Variants in FBXO24 observed in about 807,000 individuals in gnomAD.
The protein encoded by FBXO24 is F-box protein 24.
FBXO24 carries 30 observed loss-of-function variants against 63.5 expected under a neutral mutation model. That is an observed-to-expected ratio of 0.47 (90% confidence interval 0.35 to 0.64). The LOEUF is 0.64. Among genes scored for constraint, FBXO24 ranks in the 30% least tolerant of loss-of-function variants. The probability of loss-of-function intolerance (pLI) is 0.00; values close to 1 mark genes in which losing one functional copy is unlikely to be tolerated. For missense variants in FBXO24, 624 were observed against 763.4 expected (o/e 0.82, Z 2.15); for synonymous variants, 300 against 305.0 (o/e 0.98, Z 0.17).
rs945693832 is a variant in FBXO24 at position 100,600,218 on chromosome 7, G to T, written c.1377+17G>T. ...CAAGTCAAGGTCAGAGCGGGGTCAGGAGAGTGGGCACCCAGGGAGGATGAG... is the reference window on the plus strand; with the variant it reads ...CAAGTCAAGGTCAGAGCGGGGTCAGTAGAGTGGGCACCCAGGGAGGATGAG... On this transcript the variant is annotated intron_variant, in intron 9 of 9. Transcript: ENST00000241071. This position sits in a 1 kb window ranked among gnomAD's most constrained non-coding sequence, Gnocchi z 6.3. 2 of 1,514,394 alleles carry T rather than the reference G, an allele frequency of 1.3e-6. No homozygotes were observed. Among genetic ancestry groups the T allele is most frequent in the Non-Finnish European group, 1.8e-6 (2 of 1,126,464 alleles). 93.8% of individuals were successfully genotyped at this position (1,514,394 alleles called of 1,614,324 possible).
At position 100,590,067 on chromosome 7, in the gene FBXO24, C is replaced by T. The variant is rs199592292; in HGVS notation, c.130C>T (p.Pro44Ser). The change falls in exon 2 of 10, where the codon CCA (proline) becomes TCA (serine). Residue 44 changes from proline (P) to serine (S), a missense_variant. By Grantham distance (74) the Pro-to-Ser change is moderately conservative. Around this residue, in one of 3 missense-constraint regions of FBXO24, gnomAD observed 391 missense variants for 469.1 expected, o/e 0.83. Transcript: ENST00000241071. ...GNPISIQLFP[P>S]ELVEHIISFL... The stretch of plus-strand genomic sequence containing the variant: ...TCCGATTTCCATCCAGTTGTTCCCC[C>T]CAGAGCTGGTGAGTCCTTGGGGAGG... The T allele has an allele frequency of 1.2e-6, 2 of 1,613,006 alleles. No homozygotes were observed. The highest frequency in any genetic ancestry group is 1.3e-5 in the African/African-American group (1 of 74,798).
rs1394666883 is a variant in FBXO24, at chr7:100,590,162, C to A, written c.139-12C>A. 1.2e-6 allele frequency: 2 copies of A among 1,611,702 alleles called. No homozygotes were observed. The highest frequency in any genetic ancestry group is 1.7e-6 in the Non-Finnish European group (2 of 1,178,270). ...ACCAAAGACTCCCCGCTTCTTCCCT[C>A]CTCCCTCCCAGGTGGAGCATATCAT... is the stretch of plus-strand genomic sequence containing the variant. On this transcript the variant is annotated splice_polypyrimidine_tract_variant and intron_variant, in intron 2 of 9. Coordinates refer to ENST00000241071, the MANE Select transcript of FBXO24 (RefSeq NM_033506.3).
Position 100,600,266 on chromosome 7 carries a change from A to T in FBXO24, c.1377+65A>T. On this transcript the variant is annotated intron_variant, in intron 9 of 9. Coordinates refer to ENST00000241071, the MANE Select transcript of FBXO24 (RefSeq NM_033506.3). The surrounding 1 kb of genome is among the most constrained non-coding windows in gnomAD (Gnocchi z 6.3). ...GAGAGCCATGAACCAGGAAGCCCACAGGCTGTAGCTGGGGCTCCTGCAGGG... is the reference window on the plus strand; with the variant it reads ...GAGAGCCATGAACCAGGAAGCCCACTGGCTGTAGCTGGGGCTCCTGCAGGG... 6.9e-7 allele frequency: 1 copy of T among 1,455,316 alleles called. No individual in the cohort carries two copies. 90.2% of individuals were successfully genotyped at this position (1,455,316 alleles called of 1,614,324 possible).
At chr7:100,591,529 A>G in intron 3 of FBXO24, 138 bp from the exon 4 acceptor site, 4 of 697,056 alleles carry the variant, frequency 5.7e-6, no homozygotes, top group Non-Finnish European at 9.8e-6. Context: ...TCTCCTTCAT[A>G]AGGGGTCTGT....
intron 4 of FBXO24, 144 bp downstream of exon 4, chr7:100,592,046 A>C (rs1317797227): frequency 1.3e-6 from 1 of 762,140 alleles, no homozygotes. Context: ...GGATCAGCTG[A>C]GACCAGGAGT....
chr7:100,600,656 T>C lies in FBXO24; in HGVS notation c.1500T>C (p.Pro500=). The C allele has an allele frequency of 1.9e-6, 3 of 1,614,018 alleles. No homozygotes were observed. Among genetic ancestry groups the C allele is most frequent in the Non-Finnish European group, 1.7e-6 (2 of 1,179,948 alleles). Residue 500 remains proline (P), a synonymous_variant, in exon 10 of 10, where the codon CCT becomes CCC. Transcript: ENST00000241071. The surrounding 1 kb of genome is among the most constrained non-coding windows in gnomAD (Gnocchi z 6.3). ...HLPASRVVGT[P]EPSLGARAPQ... ...CAGCCAGCAGGGTGGTGGGGACTCC[T>C]GAGCCCAGCCTGGGGGCCAGAGCAC...
At chr7:100,595,279 G>C in intron 7 of FBXO24, 56 bp downstream of exon 7, 2 of 1,612,618 alleles carry the variant, frequency 1.2e-6, no homozygotes, top group Non-Finnish European at 1.7e-6. Flanking sequence ...GGGATTGGAA[G>C]GTCTGAAGTA....
chr7:100,595,357 C>T (rs1209154342), intron 7 of FBXO24, 134 bp downstream of exon 7: 5 of 1,493,308 alleles, frequency 3.3e-6, no homozygotes, highest in African/African-American at 1.4e-5. Context: ...CAAAAGAGAT[C>T]AGCTGGGGGC....
rs1470943401 is a variant in FBXO24 at position 100,592,839 on chromosome 7, C to T, written c.615C>T (p.Ala205=). 6.2e-7 allele frequency: 1 copy of T among 1,614,178 alleles called. No individual in the cohort carries two copies. Among genetic ancestry groups the T allele is most frequent in the Non-Finnish European group, 8.5e-7 (1 of 1,180,046 alleles). ...ACCGTAAATACCTCTACGTCTTGGCCACTCGGGAGCCGCAGGAAGTGGTGG... is the reference window on the plus strand; with the variant it reads ...ACCGTAAATACCTCTACGTCTTGGCTACTCGGGAGCCGCAGGAAGTGGTGG... ...TVYRKYLYVL[A]TREPQEVVGT... is the part of the protein sequence containing the mutation. Residue 205 remains alanine (A), a synonymous_variant, in exon 5 of 10, where the codon GCC becomes GCT. Transcript: ENST00000241071.
chr7:100,588,945 C>T (rs974316798), intron 1 of FBXO24, among the ~76,000 whole-genome samples: 1 of 152,048 alleles, frequency 6.6e-6, no homozygotes, highest in Admixed American at 6.6e-5. Context: ...GCCTCAGCCT[C>T]CTGTGTAGCT....
intron 1 of FBXO24, among the ~76,000 whole-genome samples, chr7:100,587,287 C>G (rs2131253772): frequency 6.6e-6 from 1 of 151,924 alleles, no homozygotes; most frequent in Non-Finnish European, 1.5e-5. Context: ...CCTCTCCCTT[C>G]CGTTCCCTTC....
chr7:100,599,981 C>T (rs763828606), intron 8 of FBXO24, 50 bp from the exon 9 acceptor site: 1 of 1,494,590 alleles, frequency 6.7e-7, no homozygotes. Context: ...ACCCCAGCCC[C>T]CCCGTCCCTT....
intron 8 of FBXO24, among the ~76,000 whole-genome samples, chr7:100,596,273 C>T (rs1474722077): frequency 1.3e-5 from 2 of 151,656 alleles, no homozygotes; most frequent in African/African-American, 2.4e-5. Flanking sequence ...AGCGAGACTC[C>T]GTCTCAAAGA....
chr7:100,589,767 C>T, intron 1 of FBXO24: 1 of 1,542,104 alleles, frequency 6.5e-7, no homozygotes, highest in African/African-American at 1.4e-5. Context: ...ATTCACCAGG[C>T]TGTGTGGACG....
chr7:100,589,665 CG>C, intron 1 of FBXO24: 25 of 1,505,900 alleles, frequency 1.7e-5, no homozygotes, highest in South Asian at 2.5e-5. Context: ...CCAGCAGGAA[CG>C]GGGGGGCCAA....
chr7:100,598,933 C>T (rs1335683817), intron 8 of FBXO24, among the ~76,000 whole-genome samples: 2 of 151,152 alleles, frequency 1.3e-5, no homozygotes, highest in Admixed American at 1.3e-4. Flanking sequence ...GAACTGAAAT[C>T]GTGCCACTGC....
At position 100,600,758 on chromosome 7, in the gene FBXO24, C is replaced by T. The variant is rs1374727513; in HGVS notation, c.1602C>T (p.Asp534=). 1 of 1,614,050 alleles carries T rather than the reference C, an allele frequency of 6.2e-7. No individual in the cohort carries two copies. The highest frequency in any genetic ancestry group is 8.5e-7 in the Non-Finnish European group (1 of 1,180,038). The change falls in exon 10 of 10, where the codon GAC becomes GAT. Residue 534 remains aspartate, a synonymous_variant. Transcript: ENST00000241071. This position sits in a 1 kb window ranked among gnomAD's most constrained non-coding sequence, Gnocchi z 6.3. ...TCCACAGTTGCCAAACGTTGCAGGA[C>T]CGCACGGAGAAGATGAAGGAGATCG... The part of the protein sequence containing the change: ...SQIHSCQTLQ[D]RTEKMKEIVG...
chr7:100,588,837 G>GT (rs758602040), intron 1 of FBXO24, among the ~76,000 whole-genome samples: 20 of 151,642 alleles, frequency 1.3e-4, no homozygotes, highest in Non-Finnish European at 1.9e-4. Flanking sequence ...TTTTTTGTTT[G>GT]TTTTTTTTGA....
chr7:100,589,571 CCA>C, intron 1 of FBXO24: 1 of 1,428,440 alleles, frequency 7.0e-7, no homozygotes, highest in Non-Finnish European at 9.2e-7. Context: ...TTTGTTAGCC[CCA>C]GACTCCATGG....
Sources: allele counts gnomAD v4.1 joint callset (sites outside exome capture counted in the v4.1 genomes callset), GRCh38; gene constraint gnomAD v4.1.1; regional missense constraint gnomAD v4.1.1; non-coding constraint Gnocchi (gnomAD v3.1); transcripts MANE v1.5; gene names NCBI Gene and HGNC (gene_info 2026-07-23, HGNC 2026-07-21).